Variants in TMTC1 observed in about 807,000 individuals in gnomAD.
TMTC1 encodes protein O-mannosyl-transferase TMTC1.
In TMTC1, 73 loss-of-function variants were observed where a neutral mutation model predicts 104.8. The observed-to-expected ratio is 0.70, with a 90% CI of 0.58 to 0.85. TMTC1 has a LOEUF of 0.85. Among genes scored for constraint, TMTC1 ranks in the 40% least tolerant of loss-of-function variants. The pLI is 0.00. For synonymous variants in TMTC1, 434 were observed against 428.7 expected (o/e 1.01, Z -0.15); for missense variants, 1,035 against 1,096.1 (o/e 0.94, Z 0.79).
At chr12:29,693,146 T>C (rs1000747913) in intron 5 of TMTC1, among the ~76,000 whole-genome samples, 1 of 145,150 alleles carries the variant, frequency 6.9e-6, no homozygotes, top group Non-Finnish European at 1.5e-5. Context: ...TAAATATTTA[T>C]GAGGTACAGA....
chr12:29,751,891 A>G lies in TMTC1; in HGVS notation c.732-19T>C. The G allele has an allele frequency of 1.3e-6, 2 of 1,521,170 alleles. No homozygotes were observed. Among genetic ancestry groups the G allele is most frequent in the Non-Finnish European group, 8.8e-7 (1 of 1,131,926 alleles). The allele number at this position is 1,521,170 out of a possible 1,614,324, so 94.2% of individuals were successfully genotyped here. ...ATTGCTCCTGTTGTGCATGGAATTG[A>G]GGGAAAACAAAGTCAACCAGAATGA... On this transcript the variant is annotated intron_variant, in intron 4 of 17. Coordinates refer to ENST00000539277, the MANE Select transcript of TMTC1 (RefSeq NM_001193451.2).
intron 8 of TMTC1, among the ~76,000 whole-genome samples, chr12:29,578,071 G>A (rs959419842): frequency 2.0e-5 from 3 of 152,060 alleles, no homozygotes; most frequent in Admixed American, 6.6e-5. Context: ...TGTGTGATTA[G>A]CACAGTAATT....
intron 7 of TMTC1, among the ~76,000 whole-genome samples, chr12:29,601,860 C>T (rs1426101099): frequency 5.0e-5 from 7 of 141,000 alleles, no homozygotes; most frequent in South Asian, 4.4e-4. Flanking sequence ...TTTTTTTAGA[C>T]GGAGTCTTGC....
intron 7 of TMTC1, among the ~76,000 whole-genome samples, chr12:29,591,824 G>T (rs1220199261): frequency 6.6e-6 from 1 of 152,180 alleles, no homozygotes; most frequent in African/African-American, 2.4e-5. Context: ...TAAATCTGTT[G>T]TTTGGGAACT....
At chr12:29,596,586 C>T (rs945478200) in intron 7 of TMTC1, among the ~76,000 whole-genome samples, 4 of 152,124 alleles carry the variant, frequency 2.6e-5, no homozygotes, top group Non-Finnish European at 1.5e-5. Flanking sequence ...GTTATTTAGC[C>T]AACCCATATG....
chr12:29,582,057 G>A (rs1431665770), intron 8 of TMTC1, among the ~76,000 whole-genome samples: 3 of 152,124 alleles, frequency 2.0e-5, no homozygotes, highest in African/African-American at 7.2e-5. Flanking sequence ...TCATAATGAC[G>A]ATCATGACAA....
intron 1 of TMTC1, among the ~76,000 whole-genome samples, chr12:29,777,430 T>C (rs1943737706): frequency 6.6e-6 from 1 of 152,026 alleles, no homozygotes; most frequent in African/African-American, 2.4e-5. Context: ...GATGACATAC[T>C]CAAAGTTAGG....
intron 5 of TMTC1, among the ~76,000 whole-genome samples, chr12:29,683,913 G>A (rs955248663): frequency 6.6e-6 from 1 of 150,542 alleles, no homozygotes; most frequent in Admixed American, 6.6e-5. Flanking sequence ...GTATGATCTC[G>A]GCTCACTGCA....
At chr12:29,728,619 C>G (rs1284221129) in intron 5 of TMTC1, among the ~76,000 whole-genome samples, 1 of 152,088 alleles carries the variant, frequency 6.6e-6, no homozygotes, top group Non-Finnish European at 1.5e-5. Flanking sequence ...GAAACGCTGA[C>G]TCTCAGACCT....
At chr12:29,606,708 A>C (rs890772489) in intron 6 of TMTC1, among the ~76,000 whole-genome samples, 10 of 152,120 alleles carry the variant, frequency 6.6e-5, no homozygotes, top group African/African-American at 2.4e-4. Context: ...ATGTCCCTAG[A>C]TACTGTTTTA....
intron 12 of TMTC1, among the ~76,000 whole-genome samples, chr12:29,520,222 T>C (rs1565640889): frequency 6.6e-6 from 1 of 152,222 alleles, no homozygotes; most frequent in Non-Finnish European, 1.5e-5. Flanking sequence ...TCTGGAGGCT[T>C]TTAAAAAATA....
chr12:29,534,235 G>A (rs1211670159), intron 11 of TMTC1: 2 of 152,210 alleles, frequency 1.3e-5, no homozygotes, highest in African/African-American at 4.8e-5. Flanking sequence ...TGACTAAATA[G>A]TTAAAAACAT....
Position 29,773,293 on chromosome 12 carries a change from G to A in TMTC1, c.303-5218C>T, listed in dbSNP as rs565596851. On this transcript the variant is annotated intron_variant, in intron 1 of 17. Coordinates refer to ENST00000539277, the MANE Select transcript of TMTC1 (RefSeq NM_001193451.2). ...ATCTGGCACCAAAGGGGGTTGTGGG[G>A]TGGAGAGAAAGGGAGAAGAAAGAGT... is the stretch of plus-strand genomic sequence containing the variant. Among the ~76,000 whole-genome samples the A allele has an allele frequency of 2.0e-5, 3 of 152,270 alleles. No individual in the cohort carries two copies. The South Asian group carries it at 6.2e-4, about 32-fold the overall frequency.
intron 6 of TMTC1, among the ~76,000 whole-genome samples, chr12:29,611,075 A>G (rs1045848837): frequency 6.6e-6 from 1 of 152,192 alleles, no homozygotes; most frequent in Non-Finnish European, 1.5e-5. Flanking sequence ...CTTTGCCAAG[A>G]GGCACTGCCA....
chr12:29,534,505 A>G (rs1944589146), intron 11 of TMTC1: 1 of 152,220 alleles, frequency 6.6e-6, no homozygotes, highest in Non-Finnish European at 1.5e-5. Context: ...AACTATGTAA[A>G]ATGCAATAAC....
At chr12:29,508,539 C>T (rs765972318) in intron 17 of TMTC1, among the ~76,000 whole-genome samples, 10 of 152,210 alleles carry the variant, frequency 6.6e-5, no homozygotes, top group Non-Finnish European at 1.3e-4. Flanking sequence ...TCACACAGAA[C>T]GCAGTTCCTT....
intron 5 of TMTC1, among the ~76,000 whole-genome samples, chr12:29,715,900 C>T (rs1942062280): frequency 6.6e-6 from 1 of 152,008 alleles, no homozygotes; most frequent in African/African-American, 2.4e-5. Flanking sequence ...TAATTCATCA[C>T]CTTCCATTGG....
At chr12:29,697,485 G>A (rs1264433354) in intron 5 of TMTC1, among the ~76,000 whole-genome samples, 1 of 152,196 alleles carries the variant, frequency 6.6e-6, no homozygotes, top group African/African-American at 2.4e-5. Context: ...TAGTCTATTA[G>A]AGTTCTCCAG....
At chr12:29,617,533 CAACAGAGAGA>C (rs1458452978) in intron 6 of TMTC1, among the ~76,000 whole-genome samples, 23 of 120,440 alleles carry the variant, frequency 1.9e-4, no homozygotes, top group African/African-American at 6.8e-4. Flanking sequence ...GCAAAACAGA[CAACAGAGAGA>C]GAGAGAGAGA....
Sources: gnomAD v4.1 joint callset for allele counts (sites outside exome capture counted in the v4.1 genomes callset) on GRCh38, gnomAD v4.1.1 for gene constraint, MANE v1.5 for transcripts, NCBI Gene and HGNC (gene_info 2026-07-23, HGNC 2026-07-21) for gene names.